Variants in TLK1 observed in about 807,000 individuals in gnomAD.
TLK1 encodes the protein tousled like kinase 1, also known as serine/threonine-protein kinase tousled-like 1.
A neutral mutation model predicts 105.3 loss-of-function variants in TLK1; 24 were observed. The ratio of observed to expected loss-of-function variants is 0.23; its 90% confidence interval spans 0.17 to 0.32. The LOEUF (loss-of-function observed/expected upper bound fraction) is 0.32, where lower values mean the gene tolerates loss of function less well. Among genes scored for constraint, TLK1 ranks in the 10% least tolerant of loss-of-function variants. The probability of loss-of-function intolerance (pLI) is 1.00; values close to 1 mark genes in which losing one functional copy is unlikely to be tolerated. For missense variants in TLK1, 558 were observed against 910.5 expected, an observed-to-expected ratio of 0.61 and a Z score of 4.98; for synonymous variants, 321 against 310.4, an observed-to-expected ratio of 1.03 and a Z score of -0.36.
intron 1 of TLK1, among the ~76,000 whole-genome samples, chr2:171,210,513 G>A (rs1046159927): frequency 4.6e-5 from 7 of 151,776 alleles, no homozygotes; most frequent in East Asian, 1.9e-4. Context: ...AAAGAATTTC[G>A]ATTTCAGACG....
intron 1 of TLK1, among the ~76,000 whole-genome samples, chr2:171,171,177 G>T (rs955657048): frequency 3.3e-5 from 5 of 152,184 alleles, no homozygotes; most frequent in African/African-American, 1.2e-4. Context: ...TTAAGATAAA[G>T]AACTTCTAAT....
At chr2:171,093,142 A>G (rs1324357671) in intron 2 of TLK1, among the ~76,000 whole-genome samples, 8 of 152,208 alleles carry the variant, frequency 5.3e-5, no homozygotes, top group Admixed American at 2.6e-4. Context: ...TAATAAAAGG[A>G]TTTCATTCCC....
chr2:171,146,186 T>A (rs1575627643), intron 1 of TLK1, among the ~76,000 whole-genome samples: 1 of 152,176 alleles, frequency 6.6e-6, no homozygotes, highest in Non-Finnish European at 1.5e-5. Flanking sequence ...GAGCCAGTCA[T>A]ACTGAAGTGT....
chr2:171,153,761 C>T (rs1217627495), intron 1 of TLK1: 7 of 152,048 alleles, frequency 4.6e-5, no homozygotes, highest in Admixed American at 2.6e-4. Flanking sequence ...ACTTCACTTC[C>T]GGGTATCACA....
intron 2 of TLK1, among the ~76,000 whole-genome samples, chr2:171,084,468 GC>G (rs1449496372): frequency 6.6e-6 from 1 of 152,148 alleles, no homozygotes; most frequent in Non-Finnish European, 1.5e-5. Flanking sequence ...AGGGAACACA[GC>G]CTAGCAATCT....
At chr2:171,227,014 A>C (rs1360451625) in intron 1 of TLK1, among the ~76,000 whole-genome samples, 3 of 152,204 alleles carry the variant, frequency 2.0e-5, no homozygotes, top group East Asian at 1.9e-4. Flanking sequence ...GCAGCAAAAC[A>C]ATCAGAGAAT....
chr2:171,194,818 GGGAAAAAAAA>G (rs1265804974), intron 1 of TLK1, among the ~76,000 whole-genome samples: 4 of 111,642 alleles, frequency 3.6e-5, no homozygotes, highest in Non-Finnish European at 7.5e-5. Flanking sequence ...CTCCGTCTCA[GGGAAAAAAAA>G]AAAAAAAAAA....
intron 1 of TLK1, among the ~76,000 whole-genome samples, chr2:171,122,881 A>C (rs1219458086): frequency 2.0e-5 from 3 of 151,878 alleles, no homozygotes; most frequent in African/African-American, 7.3e-5. Context: ...TCTACTAAAA[A>C]CACAAAAATT....
chr2:170,993,698 A>G lies in TLK1; in HGVS notation c.*82T>C. 8.6e-7 allele frequency: 1 copy of G among 1,169,002 alleles called. No individual in the cohort carries two copies. Among genetic ancestry groups the G allele is most frequent in the Non-Finnish European group, 1.1e-6 (1 of 872,832 alleles). The allele number at this position is 1,169,002 out of a possible 1,614,324, so 72.4% of individuals were successfully genotyped here. On this transcript the variant is annotated 3_prime_UTR_variant, in exon 21 of 21. Transcript: ENST00000431350. ...AAAAAAAAAAAAAAAAAAGAAAAAG[A>G]AAACAAACACTCAAATGCTCTCAAA...
chr2:171,033,696 A>G (rs918411176), intron 11 of TLK1, among the ~76,000 whole-genome samples: 2 of 150,262 alleles, frequency 1.3e-5, no homozygotes, highest in African/African-American at 4.9e-5. Flanking sequence ...GGTTGGTGCA[A>G]AAGTAATTGC....
At chr2:171,033,892 T>TAA (rs1404062964) in intron 11 of TLK1, among the ~76,000 whole-genome samples, 23 of 145,288 alleles carry the variant, frequency 1.6e-4, no homozygotes, top group Admixed American at 4.8e-4. Flanking sequence ...CCAGATTTTT[T>TAA]AAAAAAAAAA....
At chr2:171,166,265 C>G (rs780933243) in intron 1 of TLK1, among the ~76,000 whole-genome samples, 9 of 152,254 alleles carry the variant, frequency 5.9e-5, no homozygotes, top group Non-Finnish European at 1.0e-4. Flanking sequence ...AGCAAGGACC[C>G]TTCTCTGTAA....
intron 1 of TLK1, among the ~76,000 whole-genome samples, chr2:171,190,998 C>T (rs1053110317): frequency 6.6e-6 from 1 of 151,322 alleles, no homozygotes; most frequent in African/African-American, 2.4e-5. Flanking sequence ...CCCATCTCTA[C>T]TAAAATACAA....
In TLK1 at chr2:170,996,566, T is replaced by C. The variant is rs1684074360; in HGVS notation, c.2124+87A>G. On this transcript the variant is annotated intron_variant, in intron 20 of 20. Coordinates refer to ENST00000431350, the MANE Select transcript of TLK1 (RefSeq NM_012290.5). ...CCTGCAGCAGCGAGTCTTGTGACTTTACTTACTGGAAAGTACTTACCTTGT... is the reference window on the plus strand; with the variant it reads ...CCTGCAGCAGCGAGTCTTGTGACTTCACTTACTGGAAAGTACTTACCTTGT... 2.8e-6 allele frequency: 3 copies of C among 1,080,148 alleles called. No individual in the cohort carries two copies. In the South Asian group the frequency reaches 4.5e-5, roughly 16 times the overall value. The allele number at this position is 1,080,148 out of a possible 1,614,324, so 66.9% of individuals were successfully genotyped here.
Position 170,993,261 on chromosome 2 carries a change from C to T in TLK1, c.*519G>A, listed in dbSNP as rs1235625029. The T allele has an allele frequency of 6.6e-6, 1 of 152,620 alleles. No individual in the cohort carries two copies. Among genetic ancestry groups the T allele is most frequent in the African/African-American group, 2.4e-5 (1 of 41,446 alleles). 9.5% of individuals were successfully genotyped at this position (152,620 alleles called of 1,614,324 possible). ...ACTCTCACATTCTATTACTATAAAA[C>T]ACAACTGTCACTGTCATTCAGTTCT... is the stretch of plus-strand genomic sequence containing the variant. On this transcript the variant is annotated 3_prime_UTR_variant, in exon 21 of 21. Coordinates refer to ENST00000431350, the MANE Select transcript of TLK1 (RefSeq NM_012290.5).
rs1383061951 is a variant in TLK1 at position 171,014,934 on chromosome 2, G to A, written c.1251C>T (p.Ile417=). Residue 417 remains isoleucine (I), a synonymous_variant, in exon 13 of 21, where the codon ATC becomes ATT. Coordinates refer to ENST00000431350, the MANE Select transcript of TLK1 (RefSeq NM_012290.5). ...TTTCCAAACGTTCAAGTTCTGCCTG[G>A]ATTTCTGCCTCTTCCTGAAAATGAA... The part of the protein sequence containing the change: ...LGHLKKEEAE[I]QAELERLERV... 1 of 1,613,462 alleles carries A rather than the reference G, an allele frequency of 6.2e-7. No individual in the cohort carries two copies. Among genetic ancestry groups the A allele is most frequent in the Admixed American group, 1.7e-5 (1 of 59,970 alleles).
At chr2:171,148,905 ATATATATG>A (rs1396379050) in intron 1 of TLK1, among the ~76,000 whole-genome samples, 1 of 144,052 alleles carries the variant, frequency 6.9e-6, no homozygotes, top group Non-Finnish European at 1.5e-5. Flanking sequence ...ATATATATAT[ATATATATG>A]TGTGTGTGTG....
At chr2:171,164,612 G>A (rs1389117095), upstream of TLK1, among the ~76,000 whole-genome samples, 1 of 152,126 alleles carries the variant, frequency 6.6e-6, no homozygotes, top group Non-Finnish European at 1.5e-5. Flanking sequence ...AACAAATCAT[G>A]TATTTCTTTT....
intron 3 of TLK1, among the ~76,000 whole-genome samples, chr2:171,071,415 G>T (rs945023036): frequency 2.6e-5 from 4 of 152,034 alleles, no homozygotes; most frequent in Non-Finnish European, 5.9e-5. Context: ...AGCCTCCCGA[G>T]TAGCTGGGAC....
Sources: allele counts gnomAD v4.1 joint callset (sites outside exome capture counted in the v4.1 genomes callset), GRCh38; gene constraint gnomAD v4.1.1; transcripts MANE v1.5; gene names NCBI Gene and HGNC (gene_info 2026-07-23, HGNC 2026-07-21).